The following DTNA variants were observed in gnomAD, a reference collection of about 807,000 sequenced individuals.
The protein encoded by DTNA is dystrobrevin alpha, also known as dystrophin-related protein 3.
In DTNA, 43 loss-of-function variants were observed where a neutral mutation model predicts 100.7. The observed-to-expected ratio is 0.43, with a 90% CI of 0.33 to 0.55. DTNA has a LOEUF of 0.55. Ranked by LOEUF, DTNA falls within the 20% of genes least tolerant of loss-of-function variation. The pLI, the probability that DTNA is intolerant of heterozygous loss-of-function variation, is 0.04. For missense variants in DTNA, 798 were observed against 953.9 expected, an observed-to-expected ratio of 0.84 and a Z score of 2.15; for synonymous variants, 349 against 347.9, an observed-to-expected ratio of 1.00 and a Z score of -0.04.
intron 3 of DTNA, among the ~76,000 whole-genome samples, chr18:34,793,304 G>A (rs2149028243): frequency 6.6e-6 from 1 of 152,260 alleles, no homozygotes; most frequent in Admixed American, 6.5e-5. Flanking sequence ...GGCAAATAGG[G>A]AAGAAAACAG....
intron 1 of DTNA, among the ~76,000 whole-genome samples, chr18:34,588,686 A>AGTGTGTGTGTGTGCGTGTGTGTGTGT (rs1555632822): frequency 1.3e-5 from 2 of 149,556 alleles, no homozygotes; most frequent in Non-Finnish European, 3.0e-5. Flanking sequence ...TGAATATTAT[A>AGTGTGTGTGTGTGCGTGTGTGTGTGT]GTGTGTGTGT....
chr18:34,602,698 C>CAA (rs1265610804), intron 1 of DTNA, among the ~76,000 whole-genome samples: 1 of 148,140 alleles, frequency 6.8e-6, no homozygotes, highest in Non-Finnish European at 1.5e-5. Flanking sequence ...CCTGTCTCTA[C>CAA]AAAAAAAAAC....
intron 2 of DTNA, among the ~76,000 whole-genome samples, chr18:34,761,417 C>G (rs1242786141): frequency 6.6e-6 from 1 of 151,886 alleles, no homozygotes; most frequent in Non-Finnish European, 1.5e-5. Flanking sequence ...TTAGATAAGA[C>G]TGGTTCGTTG....
chr18:34,539,124 ATGATCAAGAATATGCAT>A (rs1185351833), intron 1 of DTNA, among the ~76,000 whole-genome samples: 2 of 152,036 alleles, frequency 1.3e-5, no homozygotes, highest in African/African-American at 4.8e-5. Flanking sequence ...AATATTTAAA[ATGATCAAGAATATGCAT>A]TGATGGTCCA....
At chr18:34,553,286 G>A (rs989490929) in intron 1 of DTNA, among the ~76,000 whole-genome samples, 2 of 151,464 alleles carry the variant, frequency 1.3e-5, no homozygotes, top group African/African-American at 4.9e-5. Context: ...TTAGCCCTTT[G>A]TCAGATGAGT....
At chr18:34,610,207 A>G (rs938856525) in intron 1 of DTNA, among the ~76,000 whole-genome samples, 2 of 152,332 alleles carry the variant, frequency 1.3e-5, no homozygotes, top group Non-Finnish European at 2.9e-5. Flanking sequence ...CAAGGCCACT[A>G]GTCAAGTACG....
chr18:34,852,315 C>T (rs1353508375), intron 15 of DTNA, among the ~76,000 whole-genome samples: 2 of 152,040 alleles, frequency 1.3e-5, no homozygotes, highest in African/African-American at 4.8e-5. Context: ...GAGAGGCCCC[C>T]TGGAAGGACC....
intron 1 of DTNA, among the ~76,000 whole-genome samples, chr18:34,517,858 A>T (rs1208871994): frequency 6.6e-6 from 1 of 152,112 alleles, no homozygotes; most frequent in Non-Finnish European, 1.5e-5. Flanking sequence ...CTGTTAAAGG[A>T]CATCTCAGTT....
At chr18:34,614,473 G>C (rs1168281950) in intron 1 of DTNA, among the ~76,000 whole-genome samples, 3 of 152,086 alleles carry the variant, frequency 2.0e-5, no homozygotes, top group African/African-American at 7.2e-5. Flanking sequence ...AAATCAAAAA[G>C]CTTCTGGAAA....
At chr18:34,684,525 A>G (rs1476823575) in intron 1 of DTNA, among the ~76,000 whole-genome samples, 1 of 151,846 alleles carries the variant, frequency 6.6e-6, no homozygotes, top group African/African-American at 2.4e-5. Flanking sequence ...TTTGTGTCAC[A>G]TTTTCTTTAT....
At chr18:34,735,027 G>A (rs2089238756) in intron 1 of DTNA, among the ~76,000 whole-genome samples, 1 of 151,926 alleles carries the variant, frequency 6.6e-6, no homozygotes, top group Non-Finnish European at 1.5e-5. Flanking sequence ...TGTCTAGAAG[G>A]ACAGAACTAA....
chr18:34,811,885 TA>T, intron 5 of DTNA, 73 bp from the exon 6 acceptor site: 1 of 1,567,726 alleles, frequency 6.4e-7, no homozygotes, highest in South Asian at 1.1e-5. Flanking sequence ...TTGTCATTTG[TA>T]GCAGATATAT....
intron 1 of DTNA, among the ~76,000 whole-genome samples, chr18:34,646,031 A>G (rs528317325): frequency 2.6e-5 from 4 of 152,262 alleles, no homozygotes; most frequent in African/African-American, 9.6e-5. Flanking sequence ...CTGACTGCAT[A>G]TGTACTCTCT....
intron 3 of DTNA, among the ~76,000 whole-genome samples, chr18:34,778,178 T>C (rs1333582380): frequency 1.3e-5 from 2 of 152,174 alleles, no homozygotes; most frequent in Non-Finnish European, 2.9e-5. Context: ...AAGAGCATCA[T>C]TCTAAAGCTT....
chr18:34,553,104 T>G (rs888696473), intron 1 of DTNA, among the ~76,000 whole-genome samples: 2 of 150,292 alleles, frequency 1.3e-5, no homozygotes, highest in African/African-American at 4.9e-5. Flanking sequence ...ATTGTGGTTT[T>G]GATTTGCATT....
chr18:34,536,532 G>A (rs1333208752), intron 1 of DTNA, among the ~76,000 whole-genome samples: 1 of 151,574 alleles, frequency 6.6e-6, no homozygotes, highest in African/African-American at 2.4e-5. Context: ...TTTTTATATT[G>A]GCCATTTGTA....
chr18:34,718,285 G>C (rs1163647802), intron 1 of DTNA, among the ~76,000 whole-genome samples: 2 of 152,118 alleles, frequency 1.3e-5, no homozygotes, highest in Non-Finnish European at 2.9e-5. Context: ...AACTGAGGTG[G>C]AAACTTAATA....
Position 34,829,375 on chromosome 18 carries a change from A to G in DTNA, c.1086-25A>G, listed in dbSNP as rs1602867276. 2.0e-6 allele frequency: 3 copies of G among 1,534,850 alleles called. No homozygotes were observed. In the East Asian group the frequency reaches 7.3e-5, roughly 38 times the overall value. ...GCTCTGTCCATGGGAAGTTTTAATG[A>G]GGTCTCATTGTTTGACTCCCTCAGG... On this transcript the variant is annotated intron_variant, in intron 10 of 22. Transcript: ENST00000444659.
At chr18:34,505,692 G>A (rs2040420161) in intron 1 of DTNA, among the ~76,000 whole-genome samples, 1 of 151,286 alleles carries the variant, frequency 6.6e-6, no homozygotes, top group Non-Finnish European at 1.5e-5. Flanking sequence ...TTTTCCTTAT[G>A]TGTTCTATTT....
Sources: allele counts gnomAD v4.1 joint callset (sites outside exome capture counted in the v4.1 genomes callset), GRCh38; gene constraint gnomAD v4.1.1; transcripts MANE v1.5; gene names NCBI Gene and HGNC (gene_info 2026-07-23, HGNC 2026-07-21).